UEVLD: variants seen among roughly 807,000 people sequenced by gnomAD.
UEVLD encodes ubiquitin-conjugating enzyme E2 variant 3.
UEVLD carries 47 observed loss-of-function variants against 58.6 expected under a neutral mutation model. That is an observed-to-expected ratio of 0.80 (90% CI 0.63 to 1.02). The LOEUF is 1.02. Among genes scored for constraint, UEVLD ranks in the 50% least tolerant of loss-of-function variants. The probability of loss-of-function intolerance (pLI) is 0.00; values close to 1 mark genes in which losing one functional copy is unlikely to be tolerated. For missense variants in UEVLD, 510 were observed against 550.6 expected (o/e 0.93, Z 0.74); for synonymous variants, 197 against 195.3 (o/e 1.01, Z -0.07).
At chr11:18,570,078 A>G in intron 4 of UEVLD, 136 bp downstream of exon 4, 1 of 1,020,392 alleles carries the variant, frequency 9.8e-7, no homozygotes, top group Non-Finnish European at 1.4e-6. Flanking sequence ...GCTCAATTTC[A>G]AATTACTTCC....
intron 8 of UEVLD, 124 bp downstream of exon 8, chr11:18,546,756 C>A (rs1851318024): frequency 9.5e-7 from 1 of 1,048,522 alleles, no homozygotes; most frequent in African/African-American, 1.7e-5. Flanking sequence ...GCCTCAGACT[C>A]CCAGTGTTGG....
At chr11:18,534,118 A>G (rs909153787) in intron 11 of UEVLD, among the ~76,000 whole-genome samples, 1 of 152,096 alleles carries the variant, frequency 6.6e-6, no homozygotes, top group Non-Finnish European at 1.5e-5. Flanking sequence ...TTGTTTTTGT[A>G]AAGTTGGGGT....
intron 8 of UEVLD, among the ~76,000 whole-genome samples, chr11:18,545,076 T>TATATATATA (rs72240623): frequency 2.0e-4 from 7 of 34,402 alleles, no homozygotes; most frequent in Non-Finnish European, 3.3e-4. Flanking sequence ...ATATCTATAT[T>TATATATATA]TTTTTTTTTT....
chr11:18,576,113 A>G (rs954888465), intron 2 of UEVLD, among the ~76,000 whole-genome samples: 24 of 152,242 alleles, frequency 1.6e-4, no homozygotes, highest in Non-Finnish European at 3.1e-4. Flanking sequence ...TCCTGGGCAT[A>G]GGCTGAACTC....
chr11:18,564,826 A>T, intron 6 of UEVLD, 66 bp downstream of exon 6: 1 of 1,199,152 alleles, frequency 8.3e-7, no homozygotes, highest in Admixed American at 2.1e-5. Flanking sequence ...TTTGGTGTGT[A>T]AAACACAACC....
chr11:18,548,581 C>T (rs755683741), intron 7 of UEVLD, among the ~76,000 whole-genome samples: 1 of 152,198 alleles, frequency 6.6e-6, no homozygotes, highest in African/African-American at 2.4e-5. Flanking sequence ...GCATATGCCA[C>T]CACACCCAGC....
At chr11:18,585,071 A>C (rs976348756) in intron 1 of UEVLD, among the ~76,000 whole-genome samples, 1 of 152,224 alleles carries the variant, frequency 6.6e-6, no homozygotes, top group East Asian at 1.9e-4. Context: ...TTTTTAAAAA[A>C]ATTGAGATAG....
At chr11:18,568,029 C>T (rs10832945) in intron 4 of UEVLD, among the ~76,000 whole-genome samples, 27,171 of 151,912 alleles carry the variant, frequency 0.18, 2,832 homozygotes, top group East Asian at 0.41. Context: ...CTTGTAGTCC[C>T]AGCTACTCAG....
rs565376264 is a variant in UEVLD at position 18,534,066 on chromosome 11, A to G, written c.1248+264T>C. Among the ~76,000 whole-genome samples the G allele has an allele frequency of 2.0e-5, 3 of 152,274 alleles. No individual in the cohort carries two copies. In the South Asian group the frequency reaches 6.2e-4, roughly 32 times the overall value. ...CAGGCTCAAGAGATTTTCCCACCTC[A>G]GCCTACTGAGTGGTTGTCACATGCC... On this transcript the variant is annotated intron_variant, in intron 11 of 11. Transcript: ENST00000396197.
intron 7 of UEVLD, among the ~76,000 whole-genome samples, chr11:18,549,945 C>T (rs985761045): frequency 6.6e-6 from 1 of 151,960 alleles, no homozygotes; most frequent in Non-Finnish European, 1.5e-5. Context: ...CGTCTGCCTC[C>T]CAAGTAGCTG....
intron 1 of UEVLD, among the ~76,000 whole-genome samples, chr11:18,585,239 T>C (rs1421095473): frequency 6.6e-6 from 1 of 152,226 alleles, no homozygotes; most frequent in Admixed American, 6.5e-5. Flanking sequence ...TTTAATACAG[T>C]TGAATTTGTC....
chr11:18,566,676 C>G (rs185158003), intron 4 of UEVLD, among the ~76,000 whole-genome samples, 194 bp from the exon 5 acceptor site: 2 of 151,752 alleles, frequency 1.3e-5, no homozygotes, highest in Admixed American at 1.3e-4. Context: ...CTTTTTTAAC[C>G]TATACATTCT....
chr11:18,563,629 A>C (rs911799825), intron 6 of UEVLD: 2 of 948,254 alleles, frequency 2.1e-6, no homozygotes, highest in Admixed American at 1.2e-4. Context: ...AAAAATTCAG[A>C]TGAGAAAACA....
intron 10 of UEVLD, among the ~76,000 whole-genome samples, chr11:18,534,961 A>G (rs955039907): frequency 6.6e-6 from 1 of 152,204 alleles, no homozygotes; most frequent in African/African-American, 2.4e-5. Context: ...TTTGGAAACA[A>G]CTCATCAAAA....
chr11:18,542,890 C>CTTT lies in UEVLD; in HGVS notation c.1060+1730_1060+1732dup, dbSNP rs890676886. Reference sequence around the variant, plus strand: ...CAGAGGAGTTATTTTCTTTTCTTTTCTTTTTTTTTTTTTTTTCTTTGAGAC... The same window carrying CTTT: ...CAGAGGAGTTATTTTCTTTTCTTTTCTTTTTTTTTTTTTTTTTTTCTTTGAGAC... On this transcript the variant is annotated intron_variant, in intron 9 of 11. Coordinates refer to ENST00000396197, the MANE Select transcript of UEVLD (RefSeq NM_001040697.4). 1.0e-3 allele frequency among the ~76,000 whole-genome samples: 131 copies of CTTT among 125,856 alleles called. 2 individuals are homozygous for CTTT. Among genetic ancestry groups the CTTT allele is most frequent in the South Asian group, 3.0e-3 (11 of 3,716 alleles). 82.6% of individuals were successfully genotyped at this position (125,856 alleles called of 152,430 possible). A position where few individuals can be genotyped will look rare whatever the true frequency, so the allele number is the denominator to read the frequency against.
intron 7 of UEVLD, among the ~76,000 whole-genome samples, chr11:18,551,047 AT>A (rs1303547101): frequency 3.3e-5 from 5 of 152,184 alleles, no homozygotes. Flanking sequence ...CAAGTTGATG[AT>A]TTAACAAGGG....
At chr11:18,588,346 G>C (rs1231241361) in intron 1 of UEVLD, among the ~76,000 whole-genome samples, 2 of 152,186 alleles carry the variant, frequency 1.3e-5, no homozygotes, top group African/African-American at 4.8e-5. Flanking sequence ...CGTGTGCTGG[G>C]AGCTGTTTGA....
At chr11:18,565,883 G>A (rs1474655354) in intron 5 of UEVLD, among the ~76,000 whole-genome samples, 1 of 149,366 alleles carries the variant, frequency 6.7e-6, no homozygotes, top group African/African-American at 2.4e-5. Context: ...TAAAGGCAAA[G>A]GAATTACTTT....
At position 18,566,581 on chromosome 11, in the gene UEVLD, G is replaced by C; in HGVS notation, c.358-99C>G. The C allele has an allele frequency of 2.3e-6, 3 of 1,281,154 alleles. 1 individual carries two copies. In the South Asian group the frequency reaches 4.2e-5, roughly 18 times the overall value. The allele number at this position is 1,281,154 out of a possible 1,614,324, so 79.4% of individuals were successfully genotyped here. A position where few individuals can be genotyped will look rare whatever the true frequency, so the allele number is the denominator to read the frequency against. On this transcript the variant is annotated intron_variant, in intron 4 of 11. Transcript: ENST00000396197. Reference sequence around the variant, plus strand: ...GTATTACTTGAGCCCAGGAGTTTCAGATGCAGTGAGTTATGGTTGCACCAC... The same window carrying C: ...GTATTACTTGAGCCCAGGAGTTTCACATGCAGTGAGTTATGGTTGCACCAC...
Sources: gnomAD v4.1 joint callset for allele counts (sites outside exome capture counted in the v4.1 genomes callset) on GRCh38, gnomAD v4.1.1 for gene constraint, MANE v1.5 for transcripts, NCBI Gene and HGNC (gene_info 2026-07-23, HGNC 2026-07-21) for gene names.